ERBB4: variants seen among roughly 807,000 people sequenced by gnomAD.
ERBB4 encodes the protein erb-b2 receptor tyrosine kinase 4.
Under a neutral mutation model 158.0 loss-of-function variants are expected in ERBB4, and 42 were observed. The observed-to-expected ratio is 0.27, with a 90% CI of 0.21 to 0.34. The LOEUF (loss-of-function observed/expected upper bound fraction) is 0.34. Ranked by LOEUF, ERBB4 falls within the 10% of genes least tolerant of loss-of-function variation. The probability of loss-of-function intolerance (pLI) is 1.00; values close to 1 mark genes in which losing one functional copy is unlikely to be tolerated. For missense variants in ERBB4, 1,333 were observed against 1,624.1 expected, an observed-to-expected ratio of 0.82 and a Z score of 3.08; for synonymous variants, 583 against 558.7, an observed-to-expected ratio of 1.04 and a Z score of -0.61.
intron 1 of ERBB4, among the ~76,000 whole-genome samples, chr2:212,313,108 A>C (rs898920533): frequency 4.6e-5 from 7 of 150,864 alleles, no homozygotes; most frequent in African/African-American, 1.7e-4. Flanking sequence ...TAAGGTAAAT[A>C]TATCCAATTT....
intron 1 of ERBB4, among the ~76,000 whole-genome samples, chr2:212,433,444 T>C (rs377122644): frequency 3.3e-5 from 5 of 152,034 alleles, no homozygotes; most frequent in African/African-American, 2.4e-5. Context: ...GCAAAAATTA[T>C]ATATGATTTT....
chr2:212,297,803 G>A (rs1314514699), intron 1 of ERBB4, among the ~76,000 whole-genome samples: 1 of 151,546 alleles, frequency 6.6e-6, no homozygotes, highest in African/African-American at 2.4e-5. Context: ...TATATCAAAT[G>A]ACCAATAGCA....
At chr2:212,432,993 G>A (rs947247102) in intron 1 of ERBB4, among the ~76,000 whole-genome samples, 78 of 151,996 alleles carry the variant, frequency 5.1e-4, no homozygotes, top group Non-Finnish European at 1.3e-4. Context: ...GGTATCTAGT[G>A]CTTACATTTG....
chr2:211,590,797 C>T (rs1046954271), intron 19 of ERBB4, among the ~76,000 whole-genome samples: 3 of 152,170 alleles, frequency 2.0e-5, no homozygotes, highest in Non-Finnish European at 2.9e-5. Flanking sequence ...GCAAGTAAGG[C>T]GAACCCATTG....
intron 13 of ERBB4, among the ~76,000 whole-genome samples, chr2:211,674,976 C>T (rs936073146): frequency 1.3e-5 from 2 of 152,132 alleles, no homozygotes; most frequent in African/African-American, 4.8e-5. Context: ...TGGAGATGGC[C>T]TATTGCCCTT....
At chr2:212,418,629 G>A (rs1280675204) in intron 1 of ERBB4, among the ~76,000 whole-genome samples, 1 of 151,224 alleles carries the variant, frequency 6.6e-6, no homozygotes, top group Non-Finnish European at 1.5e-5. Flanking sequence ...AAAAAATTAA[G>A]GAAAGAAATT....
At chr2:212,058,748 T>G (rs545786136) in intron 2 of ERBB4, among the ~76,000 whole-genome samples, 2 of 152,198 alleles carry the variant, frequency 1.3e-5, no homozygotes, top group Non-Finnish European at 2.9e-5. Flanking sequence ...CAGCCCTTCA[T>G]GCTAAAAACT....
intron 13 of ERBB4, among the ~76,000 whole-genome samples, chr2:211,675,185 A>AAGTATTATGTCTTAATAT (rs2072011391): frequency 2.0e-5 from 3 of 149,624 alleles, no homozygotes; most frequent in African/African-American, 7.4e-5. Flanking sequence ...AACAATTTAT[A>AAGTATTATGTCTTAATAT]GTCTATTAAG....
chr2:211,684,348 G>T (rs1289896000), intron 12 of ERBB4, among the ~76,000 whole-genome samples: 1 of 152,172 alleles, frequency 6.6e-6, no homozygotes, highest in Non-Finnish European at 1.5e-5. Flanking sequence ...TTACTCAGAA[G>T]GCTGAAGAGG....
intron 1 of ERBB4, among the ~76,000 whole-genome samples, chr2:212,396,031 T>A (rs752943353): frequency 7.9e-5 from 12 of 152,162 alleles, no homozygotes; most frequent in Non-Finnish European, 1.6e-4. Flanking sequence ...TTATAACTGA[T>A]GGTTTTATGT....
At chr2:212,081,718 G>A (rs1451600426) in intron 2 of ERBB4, among the ~76,000 whole-genome samples, 2 of 152,080 alleles carry the variant, frequency 1.3e-5, no homozygotes, top group East Asian at 1.9e-4. Context: ...AATGGGCACC[G>A]ACTGTAGCTG....
intron 1 of ERBB4, among the ~76,000 whole-genome samples, chr2:212,175,068 G>T (rs752740588): frequency 1.3e-5 from 2 of 151,878 alleles, no homozygotes; most frequent in Non-Finnish European, 2.9e-5. Flanking sequence ...TTGTCTGAAC[G>T]TTTCTTATTC....
intron 3 of ERBB4, among the ~76,000 whole-genome samples, chr2:211,849,703 A>C (rs2077671511): frequency 6.6e-6 from 1 of 151,928 alleles, no homozygotes; most frequent in Admixed American, 6.6e-5. Flanking sequence ...TAATGTGAAA[A>C]ATTACTAACA....
At position 211,712,506 on chromosome 2, in the gene ERBB4, T is replaced by C. The variant is rs6745717; in HGVS notation, c.998-330A>G. 0.18 allele frequency among the ~76,000 whole-genome samples: 27,352 copies of C among 151,970 alleles called. 2,728 individuals are homozygous for C. Among genetic ancestry groups the C allele is most frequent in the African/African-American group, 0.24 (10,130 of 41,448 alleles). ...AATACTCCTCCTAACAACATAAAAT[T>C]ATCTATTTTCTACTTTCTTTGAAAA... is the stretch of plus-strand genomic sequence containing the variant. On this transcript the variant is annotated intron_variant, in intron 8 of 27. Coordinates refer to ENST00000342788, the MANE Select transcript of ERBB4 (RefSeq NM_005235.3).
At chr2:211,924,797 T>G (rs932379708) in intron 3 of ERBB4, among the ~76,000 whole-genome samples, 5 of 152,156 alleles carry the variant, frequency 3.3e-5, no homozygotes, top group Non-Finnish European at 2.9e-5. Context: ...GCTTTTTTAA[T>G]ATAAAGGAAG....
chr2:211,984,481 A>G (rs1468038130), intron 2 of ERBB4, among the ~76,000 whole-genome samples: 1 of 152,198 alleles, frequency 6.6e-6, no homozygotes, highest in East Asian at 1.9e-4. Flanking sequence ...AAATTCCTTC[A>G]AAGTAACACT....
intron 20 of ERBB4, among the ~76,000 whole-genome samples, chr2:211,488,817 A>G (rs2065269528): frequency 6.6e-6 from 1 of 152,034 alleles, no homozygotes; most frequent in African/African-American, 2.4e-5. Context: ...ATTGCAGAGT[A>G]AAAAGGTGAG....
chr2:212,495,443 T>A (rs1234678884), intron 1 of ERBB4, among the ~76,000 whole-genome samples: 1 of 152,228 alleles, frequency 6.6e-6, no homozygotes. Flanking sequence ...CCTACTATTT[T>A]ATTTGCCTAT....
chr2:211,773,065 G>A (rs2075757258), intron 4 of ERBB4, among the ~76,000 whole-genome samples: 1 of 148,978 alleles, frequency 6.7e-6, no homozygotes, highest in African/African-American at 2.5e-5. Flanking sequence ...ATTACAGCAT[G>A]AGCCACCACG....
Sources: gnomAD v4.1 joint callset for allele counts (sites outside exome capture counted in the v4.1 genomes callset) on GRCh38, gnomAD v4.1.1 for gene constraint, MANE v1.5 for transcripts, NCBI Gene and HGNC (gene_info 2026-07-23, HGNC 2026-07-21) for gene names.